Variants in DOCK2 observed in about 807,000 individuals in gnomAD.
DOCK2 encodes the protein dedicator of cytokinesis 2, also known as dedicator of cytokinesis protein 2.
A neutral mutation model predicts 248.9 loss-of-function variants in DOCK2; 87 were observed. That is an observed-to-expected ratio of 0.35 (90% confidence interval 0.29 to 0.42). The LOEUF (loss-of-function observed/expected upper bound fraction) is 0.42. Among genes scored for constraint, DOCK2 ranks in the 10% least tolerant of loss-of-function variants. The pLI, the probability that DOCK2 is intolerant of heterozygous loss-of-function variation, is 1.00. For missense variants in DOCK2, 1,747 were observed against 2,300.2 expected, an observed-to-expected ratio of 0.76 and a Z score of 4.92; for synonymous variants, 805 against 821.6, an observed-to-expected ratio of 0.98 and a Z score of 0.35.
intron 22 of DOCK2, among the ~76,000 whole-genome samples, chr5:169,721,035 CAT>C (rs1372570401): frequency 6.6e-6 from 1 of 151,806 alleles, no homozygotes; most frequent in Non-Finnish European, 1.5e-5. Context: ...ATAACTCTCT[CAT>C]GTCTTACGTC....
chr5:169,661,947 A>G (rs1005053039), intron 2 of DOCK2, among the ~76,000 whole-genome samples: 4 of 152,242 alleles, frequency 2.6e-5, no homozygotes, highest in African/African-American at 7.2e-5. Context: ...TATTTGCAAG[A>G]CAGTTATTTC....
intron 6 of DOCK2, among the ~76,000 whole-genome samples, chr5:169,680,416 G>T (rs1759596081): frequency 1.3e-5 from 2 of 152,214 alleles, no homozygotes; most frequent in South Asian, 4.1e-4. Context: ...ACAGGGAAAA[G>T]CTTGTGGCCT....
chr5:169,989,282 A>G (rs1778150332), intron 29 of DOCK2, among the ~76,000 whole-genome samples: 1 of 152,214 alleles, frequency 6.6e-6, no homozygotes, highest in Non-Finnish European at 1.5e-5. Context: ...GATCTGATTT[A>G]CATGATGTTG....
At chr5:169,801,679 A>G (rs1327702033) in intron 25 of DOCK2, among the ~76,000 whole-genome samples, 1 of 151,208 alleles carries the variant, frequency 6.6e-6, no homozygotes. Flanking sequence ...TGACAGTATG[A>G]CTCCCCCACG....
intron 27 of DOCK2, among the ~76,000 whole-genome samples, chr5:169,936,345 G>A (rs1322970190): frequency 6.6e-6 from 1 of 152,056 alleles, no homozygotes; most frequent in Non-Finnish European, 1.5e-5. Flanking sequence ...ATTTTAGGAC[G>A]GTTATTCCTC....
At chr5:169,921,194 ATTGTGT>A (rs1278766946) in intron 27 of DOCK2, among the ~76,000 whole-genome samples, 2 of 152,152 alleles carry the variant, frequency 1.3e-5, no homozygotes, top group Admixed American at 6.5e-5. Flanking sequence ...TACTCAGAAA[ATTGTGT>A]TTGTGTTTGT....
At chr5:169,983,595 C>G (rs115251479) in intron 28 of DOCK2, among the ~76,000 whole-genome samples, 2,250 of 152,310 alleles carry the variant, frequency 0.015, 52 homozygotes, top group African/African-American at 0.05. Context: ...TCTCAGGATG[C>G]ATTTGCTGCA....
intron 26 of DOCK2, among the ~76,000 whole-genome samples, chr5:169,820,894 C>T (rs1768393513): frequency 1.3e-5 from 2 of 152,118 alleles, no homozygotes; most frequent in African/African-American, 4.8e-5. Context: ...GAATGGCTAA[C>T]TAGAATAACC....
intron 23 of DOCK2, among the ~76,000 whole-genome samples, chr5:169,755,319 TTATG>T (rs1398137172): frequency 1.3e-5 from 2 of 152,200 alleles, no homozygotes; most frequent in African/African-American, 4.8e-5. Flanking sequence ...ACATGTATGT[TTATG>T]TGTATAGGTA....
At chr5:170,016,496 A>C (rs1755543091) in intron 32 of DOCK2, among the ~76,000 whole-genome samples, 1 of 152,222 alleles carries the variant, frequency 6.6e-6, no homozygotes, top group Non-Finnish European at 1.5e-5. Context: ...TTCTGAAGGG[A>C]GCATTGTAAG....
chr5:169,688,294 G>A (rs890948121), intron 8 of DOCK2, among the ~76,000 whole-genome samples: 3 of 152,124 alleles, frequency 2.0e-5, no homozygotes, highest in Non-Finnish European at 4.4e-5. Context: ...CGTTGACTTT[G>A]CCTGAAGCAT....
Position 170,009,632 on chromosome 5 carries a change from C to T in DOCK2, c.3232+886C>T, listed in dbSNP as rs529015423. On this transcript the variant is annotated intron_variant, in intron 32 of 51. Transcript: ENST00000520908. ...CTGGGTGTGGATATTGACTTTCCTG[C>T]AAGTACTAACTTGTGCCCATCTCTT... Among the ~76,000 whole-genome samples the T allele has an allele frequency of 2.0e-4, 30 of 152,308 alleles. No homozygotes were observed. The South Asian group carries it at 6.2e-3, about 32-fold the overall frequency.
chr5:169,769,042 G>A (rs1194141689), intron 25 of DOCK2, among the ~76,000 whole-genome samples: 1 of 152,144 alleles, frequency 6.6e-6, no homozygotes, highest in East Asian at 1.9e-4. Flanking sequence ...CAATTGTGAC[G>A]AGTTTGCAAA....
At chr5:169,665,887 A>G (rs1184200547) in intron 2 of DOCK2, among the ~76,000 whole-genome samples, 1 of 151,984 alleles carries the variant, frequency 6.6e-6, no homozygotes, top group African/African-American at 2.4e-5. Flanking sequence ...AGGATTTGAG[A>G]CTCTAGATGT....
chr5:170,038,701 G>A (rs890645709), intron 36 of DOCK2, among the ~76,000 whole-genome samples: 3 of 152,140 alleles, frequency 2.0e-5, no homozygotes, highest in Admixed American at 2.0e-4. Context: ...CTTGAGTTTG[G>A]TATCCCTGGT....
chr5:169,881,443 C>T, intron 27 of DOCK2: 3 of 1,551,362 alleles, frequency 1.9e-6, no homozygotes, highest in Non-Finnish European at 2.6e-6. Context: ...AAAGTTGCGC[C>T]TGCAAGACAG....
chr5:169,864,868 G>C (rs1328213002), intron 27 of DOCK2, among the ~76,000 whole-genome samples: 1 of 152,148 alleles, frequency 6.6e-6, no homozygotes, highest in Non-Finnish European at 1.5e-5. Context: ...TCTGTAAAAT[G>C]GGGGTAATAA....
At chr5:169,716,422 G>T (rs967428958) in intron 20 of DOCK2, 120 bp downstream of exon 20, 1 of 943,660 alleles carries the variant, frequency 1.1e-6, no homozygotes, top group Non-Finnish European at 1.6e-6. Context: ...TTCTTTGGAG[G>T]TGTTGTAATG....
intron 34 of DOCK2, among the ~76,000 whole-genome samples, chr5:170,033,142 G>A (rs1033212908): frequency 5.3e-5 from 8 of 152,124 alleles, no homozygotes; most frequent in African/African-American, 1.9e-4. Context: ...GACTAGTACA[G>A]TGTCTGGCAC....
Sources: allele counts gnomAD v4.1 joint callset (sites outside exome capture counted in the v4.1 genomes callset), GRCh38; gene constraint gnomAD v4.1.1; transcripts MANE v1.5; gene names NCBI Gene and HGNC (gene_info 2026-07-23, HGNC 2026-07-21).